The following BANK1 variants were observed in gnomAD, a reference collection of about 807,000 sequenced individuals.
BANK1 encodes the protein B-cell scaffold protein with ankyrin repeats.
A neutral mutation model predicts 94.5 loss-of-function variants in BANK1; 95 were observed. The observed-to-expected ratio is 1.00, with a 90% CI of 0.85 to 1.19. The LOEUF (loss-of-function observed/expected upper bound fraction) is 1.19, where lower values mean the gene tolerates loss of function less well. Ranked by LOEUF, BANK1 falls within the 50% of genes most tolerant of loss-of-function variation. The probability of loss-of-function intolerance (pLI) is 0.00; values close to 1 mark genes in which losing one functional copy is unlikely to be tolerated. For missense variants in BANK1, 987 were observed against 932.2 expected, an observed-to-expected ratio of 1.06 and a Z score of -0.77; for synonymous variants, 334 against 308.4, an observed-to-expected ratio of 1.08 and a Z score of -0.87.
intron 7 of BANK1, among the ~76,000 whole-genome samples, chr4:101,936,236 A>G (rs965494325): frequency 1.5e-5 from 2 of 136,298 alleles, no homozygotes; most frequent in Non-Finnish European, 3.2e-5. Flanking sequence ...CATATATGAT[A>G]TGTATACATA....
In BANK1 at chr4:101,790,871, A is replaced by C; in HGVS notation, c.-10A>C. ...AGCAGTGCGCAGGCCCCTCGGCTTC[A>C]ACCGCCACAATGCTGCCAGCAGCGC... On this transcript the variant is annotated 5_prime_UTR_variant, in exon 1 of 17. Transcript: ENST00000322953. The C allele has an allele frequency of 6.5e-7, 1 of 1,537,212 alleles. No homozygotes were observed. Among genetic ancestry groups the C allele is most frequent in the South Asian group, 1.2e-5 (1 of 84,058 alleles).
chr4:102,042,494 C>T lies in BANK1; in HGVS notation c.1901-1345C>T, dbSNP rs1727733655. Among the ~76,000 whole-genome samples, 4 of 152,100 alleles carry T rather than the reference C, an allele frequency of 2.6e-5. No individual in the cohort carries two copies. The South Asian group carries it at 8.3e-4, about 32-fold the overall frequency. The stretch of plus-strand genomic sequence containing the variant: ...CACAGTTGAAGGGAGTACTCTTTGT[C>T]TTGACAGCATCTGGCAAATCATACA... On this transcript the variant is annotated intron_variant, in intron 10 of 16. Transcript: ENST00000322953.
At chr4:101,995,473 GC>G (rs1725845869) in intron 7 of BANK1, among the ~76,000 whole-genome samples, 2 of 152,160 alleles carry the variant, frequency 1.3e-5, no homozygotes, top group Non-Finnish European at 2.9e-5. Flanking sequence ...TAATGGGATT[GC>G]TGGGTCAAAT....
intron 2 of BANK1, among the ~76,000 whole-genome samples, chr4:101,831,615 C>T (rs181256497): frequency 6.6e-6 from 1 of 152,260 alleles, no homozygotes; most frequent in East Asian, 1.9e-4. Context: ...GCTGATATTA[C>T]AGACACGCAC....
chr4:101,862,455 A>G, intron 3 of BANK1, 71 bp from the exon 4 acceptor site: 1 of 1,294,798 alleles, frequency 7.7e-7, no homozygotes, highest in Non-Finnish European at 1.1e-6. Context: ...AATTATAAAG[A>G]AATGTAATGG....
chr4:102,063,665 T>C (rs1408483174), intron 13 of BANK1, among the ~76,000 whole-genome samples: 1 of 151,280 alleles, frequency 6.6e-6, no homozygotes, highest in Non-Finnish European at 1.5e-5. Context: ...CTACTAAAAA[T>C]ATAAAAATTA....
At chr4:101,985,156 G>A (rs1725441416) in intron 7 of BANK1, among the ~76,000 whole-genome samples, 1 of 152,076 alleles carries the variant, frequency 6.6e-6, no homozygotes, top group African/African-American at 2.4e-5. Flanking sequence ...GAGAGCCAAT[G>A]GTGTAAGTTC....
intron 14 of BANK1, 28 bp from the exon 15 acceptor site, chr4:102,072,317 G>A (rs749597941): frequency 6.8e-7 from 1 of 1,478,222 alleles, no homozygotes; most frequent in Admixed American, 1.7e-5. Flanking sequence ...AATGAATAAA[G>A]AGGTAATAAC....
intron 7 of BANK1, among the ~76,000 whole-genome samples, chr4:102,016,143 A>G (rs1419487820): frequency 6.6e-6 from 1 of 152,178 alleles, no homozygotes; most frequent in African/African-American, 2.4e-5. Flanking sequence ...AATATCATCT[A>G]TTCTTTGAAA....
chr4:101,861,034 G>C (rs1006871573), intron 3 of BANK1, among the ~76,000 whole-genome samples: 3 of 152,206 alleles, frequency 2.0e-5, no homozygotes, highest in Admixed American at 2.0e-4. Context: ...GGAGGAGGTT[G>C]CAGATGTGAG....
At chr4:101,842,314 A>G (rs1470612962) in intron 2 of BANK1, among the ~76,000 whole-genome samples, 1 of 152,238 alleles carries the variant, frequency 6.6e-6, no homozygotes, top group Non-Finnish European at 1.5e-5. Context: ...TTTGTTCACG[A>G]TTGATCAATT....
At chr4:102,009,319 G>A (rs887632160) in intron 7 of BANK1, among the ~76,000 whole-genome samples, 5 of 152,104 alleles carry the variant, frequency 3.3e-5, no homozygotes, top group East Asian at 3.8e-4. Context: ...CAATCTGGCC[G>A]ACTTGTTTCC....
At chr4:101,904,085 C>T (rs1722367943) in intron 6 of BANK1, among the ~76,000 whole-genome samples, 1 of 152,232 alleles carries the variant, frequency 6.6e-6, no homozygotes, top group Non-Finnish European at 1.5e-5. Context: ...CAACACTTTC[C>T]AGTGATAACG....
At chr4:102,001,661 G>T (rs187782598) in intron 7 of BANK1, among the ~76,000 whole-genome samples, 30 of 152,250 alleles carry the variant, frequency 2.0e-4, no homozygotes, top group East Asian at 9.6e-4. Flanking sequence ...AGTGAAGGGC[G>T]CAGTCAACCA....
rs372415680 is a variant in BANK1, at chr4:102,021,123, G to C, written c.1207-391G>C. Among the ~76,000 whole-genome samples the C allele has an allele frequency of 2.0e-4, 30 of 150,186 alleles. No homozygotes were observed. In the East Asian group the frequency reaches 4.1e-3, roughly 21 times the overall value. ...TGTCTTTCACTGTATTACAGTAATT[G>C]TAATTAAGAATATCTTTTGAACTGT... is the stretch of plus-strand genomic sequence containing the variant. On this transcript the variant is annotated intron_variant, in intron 7 of 16. Coordinates refer to ENST00000322953, the MANE Select transcript of BANK1 (RefSeq NM_017935.5).
intron 7 of BANK1, among the ~76,000 whole-genome samples, chr4:102,018,813 T>C (rs147080488): frequency 5.7e-4 from 85 of 148,146 alleles, no homozygotes; most frequent in African/African-American, 2.1e-3. Context: ...TTTTCTTTCT[T>C]TCTTTCCTTT....
intron 1 of BANK1, among the ~76,000 whole-genome samples, chr4:101,810,126 A>T (rs1043423926): frequency 6.6e-5 from 10 of 152,202 alleles, no homozygotes; most frequent in Admixed American, 1.3e-4. Context: ...AGCTGGAGGA[A>T]TGGGACCATT....
At chr4:102,041,015 G>C (rs1727685148) in intron 10 of BANK1, among the ~76,000 whole-genome samples, 3 of 152,044 alleles carry the variant, frequency 2.0e-5, no homozygotes, top group African/African-American at 7.2e-5. Flanking sequence ...CAACTTTTTG[G>C]TTACAATACA....
chr4:101,952,307 T>C (rs1724190027), intron 7 of BANK1, among the ~76,000 whole-genome samples: 1 of 152,138 alleles, frequency 6.6e-6, no homozygotes, highest in Admixed American at 6.6e-5. Flanking sequence ...CAAGACCCTT[T>C]TGACAACATT....
Sources: gnomAD v4.1 joint callset for allele counts (sites outside exome capture counted in the v4.1 genomes callset) on GRCh38, gnomAD v4.1.1 for gene constraint, MANE v1.5 for transcripts, NCBI Gene and HGNC (gene_info 2026-07-23, HGNC 2026-07-21) for gene names.